Variants in MAPKAP1 observed in about 807,000 individuals in gnomAD.
The protein encoded by MAPKAP1 is MAPK associated protein 1.
In MAPKAP1, 20 loss-of-function variants were observed where a neutral mutation model predicts 65.7. The ratio of observed to expected loss-of-function variants is 0.30; its 90% CI spans 0.21 to 0.44. The LOEUF (loss-of-function observed/expected upper bound fraction) is 0.44. Among genes scored for constraint, MAPKAP1 ranks in the 20% least tolerant of loss-of-function variants. MAPKAP1 has a pLI of 1.00. For missense variants in MAPKAP1, 423 were observed against 648.0 expected (o/e 0.65, Z 3.77); for synonymous variants, 222 against 244.3 (o/e 0.91, Z 0.85).
intron 4 of MAPKAP1, among the ~76,000 whole-genome samples, chr9:125,625,255 T>TAAAAAAAAAAAAAAAAAA (rs58671780): frequency 6.2e-5 from 4 of 64,664 alleles, no homozygotes; most frequent in Non-Finnish European, 9.1e-5. Flanking sequence ...AATAAATAAA[T>TAAAAAAAAAAAAAAAAAA]AAAAAAAAAA....
intron 4 of MAPKAP1, among the ~76,000 whole-genome samples, chr9:125,628,758 AAAC>A (rs1833184890): frequency 6.6e-6 from 1 of 152,200 alleles, no homozygotes; most frequent in South Asian, 2.1e-4. Flanking sequence ...GCAGCAAAGA[AAAC>A]AACAGAGTAA....
intron 7 of MAPKAP1, among the ~76,000 whole-genome samples, chr9:125,524,393 A>G (rs1420922881): frequency 6.6e-6 from 1 of 152,280 alleles, no homozygotes; most frequent in Non-Finnish European, 1.5e-5. Flanking sequence ...AGTTTGGCAC[A>G]TAAGTGCTCA....
intron 7 of MAPKAP1, among the ~76,000 whole-genome samples, chr9:125,516,135 A>G (rs1250841199): frequency 6.6e-6 from 1 of 152,226 alleles, no homozygotes; most frequent in South Asian, 2.1e-4. Flanking sequence ...GATTTTACTG[A>G]AAGAAGACGC....
In MAPKAP1 at chr9:125,702,292, T is replaced by C. The variant is rs190257836; in HGVS notation, c.-70+4679A>G. 1.1e-4 allele frequency among the ~76,000 whole-genome samples: 16 copies of C among 152,150 alleles called. No individual in the cohort carries two copies. In the South Asian group the frequency reaches 3.3e-3, roughly 32 times the overall value. The stretch of plus-strand genomic sequence containing the variant: ...GCTCACGCCTGTAGTCCCAGCACTT[T>C]GGGAGGCCAAGGCAGGTGGATCACC... On this transcript the variant is annotated intron_variant, in intron 1 of 11. Transcript: ENST00000265960.
chr9:125,578,379 G>A lies in MAPKAP1; in HGVS notation c.671+7176C>T, dbSNP rs562634155. 4.0e-3 allele frequency among the ~76,000 whole-genome samples: 606 copies of A among 151,676 alleles called. 3 individuals are homozygous for A. The highest frequency in any genetic ancestry group is 7.5e-3 in the Non-Finnish European group (511 of 67,926). On this transcript the variant is annotated intron_variant, in intron 5 of 11. Coordinates refer to ENST00000265960, the MANE Select transcript of MAPKAP1 (RefSeq NM_001006617.3). ...CTGACCTTCCCTCCACTATTGTCCT[G>A]TGACCCTGCCAAATCCCCCTCTGCG...
chr9:125,493,028 C>G (rs1454630697), intron 8 of MAPKAP1, among the ~76,000 whole-genome samples: 2 of 151,976 alleles, frequency 1.3e-5, no homozygotes, highest in African/African-American at 4.8e-5. Flanking sequence ...AGGACCTACA[C>G]AGGGAACACC....
chr9:125,639,844 C>T (rs1346307539), intron 4 of MAPKAP1, among the ~76,000 whole-genome samples: 1 of 152,170 alleles, frequency 6.6e-6, no homozygotes, highest in Non-Finnish European at 1.5e-5. Context: ...GAAGGACAGA[C>T]AGCTGCATGG....
At chr9:125,642,030 T>C (rs1833592922) in intron 4 of MAPKAP1, among the ~76,000 whole-genome samples, 1 of 151,902 alleles carries the variant, frequency 6.6e-6, no homozygotes, top group Non-Finnish European at 1.5e-5. Context: ...AGACTCTGTC[T>C]CAAATTAATT....
intron 5 of MAPKAP1, among the ~76,000 whole-genome samples, chr9:125,581,265 TAAGG>T (rs1203036134): frequency 6.6e-6 from 1 of 152,256 alleles, no homozygotes; most frequent in Non-Finnish European, 1.5e-5. Flanking sequence ...TTTAGCTTTA[TAAGG>T]AACTGCCAAA....
chr9:125,459,571 A>G (rs866661593), intron 10 of MAPKAP1, among the ~76,000 whole-genome samples: 2,116 of 150,110 alleles, frequency 0.014, 45 homozygotes, highest in African/African-American at 0.048. Context: ...CCGGCACCTC[A>G]GGAGGCCGAG....
At chr9:125,596,583 C>T in intron 4 of MAPKAP1, 1 of 680,542 alleles carries the variant, frequency 1.5e-6, no homozygotes, top group Non-Finnish European at 2.7e-6. Context: ...GTGGCTATGG[C>T]AGTTCCAGTA....
chr9:125,631,096 C>CA lies in MAPKAP1; in HGVS notation c.498+26554dup, dbSNP rs368052139. Among the ~76,000 whole-genome samples the CA allele has an allele frequency of 3.8e-3, 436 of 115,304 alleles. 3 individuals carry two copies. Among genetic ancestry groups the CA allele is most frequent in the East Asian group, 7.6e-3 (31 of 4,086 alleles). The allele number at this position is 115,304 out of a possible 152,430, so 75.6% of individuals were successfully genotyped here. ...TAGGTGATACAGTGAGATCCTGTCT[C>CA]AAAAAAAAAAAAAAAGCCTGATACC... On this transcript the variant is annotated intron_variant, in intron 4 of 11. Transcript: ENST00000265960.
intron 4 of MAPKAP1, among the ~76,000 whole-genome samples, chr9:125,592,007 C>CA (rs902910308): frequency 6.6e-6 from 1 of 152,198 alleles, no homozygotes; most frequent in African/African-American, 2.4e-5. Context: ...GCGGGCAACA[C>CA]AGAGAAAGTG....
chr9:125,677,551 G>T lies in MAPKAP1; in HGVS notation c.-69-4908C>A, dbSNP rs560869262. 4.6e-5 allele frequency among the ~76,000 whole-genome samples: 7 copies of T among 152,150 alleles called. No homozygotes were observed. The East Asian group carries it at 1.2e-3, about 25-fold the overall frequency. ...TCTCTACTAAAAATATAAAAAGTAG[G>T]GGGGCGTGGTGGTGCGTACCTATAG... On this transcript the variant is annotated intron_variant, in intron 1 of 11. Transcript: ENST00000265960.
chr9:125,456,221 G>T (rs1281100682), intron 10 of MAPKAP1, among the ~76,000 whole-genome samples: 2 of 152,038 alleles, frequency 1.3e-5, no homozygotes, highest in South Asian at 4.2e-4. Context: ...CCTTGGTGTG[G>T]TTTTCTTTAT....
In MAPKAP1 at chr9:125,521,815, A is replaced by G. The variant is rs200984747; in HGVS notation, c.959-15398T>C. ...AAAAATGAGACTTCATTTATCTTCA[A>G]CCTTCTCTGAGCTACATGAAAGTGG... On this transcript the variant is annotated intron_variant, in intron 7 of 11. Transcript: ENST00000265960. 171 of 1,572,480 alleles carry G rather than the reference A, an allele frequency of 1.1e-4. 3 individuals are homozygous for G. The African/African-American group carries it at 1.3e-3, about 12-fold the overall frequency.
intron 5 of MAPKAP1, among the ~76,000 whole-genome samples, chr9:125,571,749 G>A (rs189077074): frequency 6.6e-6 from 1 of 152,236 alleles, no homozygotes; most frequent in Admixed American, 6.5e-5. Context: ...TGTAATCCCA[G>A]CTATTCGGGA....
chr9:125,660,431 CAAAAAAAGTAAATAAAT>C (rs1834151289), intron 3 of MAPKAP1, among the ~76,000 whole-genome samples: 1 of 151,788 alleles, frequency 6.6e-6, no homozygotes, highest in South Asian at 2.1e-4. Flanking sequence ...AAGCATACCT[CAAAAAAAGTAAATAAAT>C]AAAAAGGGAA....
chr9:125,706,945 G>T (rs1835782477), intron 1 of MAPKAP1, 26 bp downstream of exon 1: 2 of 392,742 alleles, frequency 5.1e-6, no homozygotes, highest in Admixed American at 4.4e-5. Flanking sequence ...GACGGGCGGG[G>T]AGCTGGCGGC....
Sources: allele counts gnomAD v4.1 joint callset (sites outside exome capture counted in the v4.1 genomes callset), GRCh38; gene constraint gnomAD v4.1.1; transcripts MANE v1.5; gene names NCBI Gene and HGNC (gene_info 2026-07-23, HGNC 2026-07-21).